MGA: variants seen among roughly 807,000 people sequenced by gnomAD.
MGA encodes MAX gene-associated protein.
MGA carries 40 observed loss-of-function variants against 261.1 expected under a neutral mutation model. The observed-to-expected ratio is 0.15, with a 90% CI of 0.12 to 0.20. The LOEUF (loss-of-function observed/expected upper bound fraction) is 0.20, where lower values mean the gene tolerates loss of function less well. Among genes scored for constraint, MGA ranks in the 10% least tolerant of loss-of-function variants. The pLI, the probability that MGA is intolerant of heterozygous loss-of-function variation, is 1.00. For missense variants in MGA, 3,397 were observed against 3,630.5 expected (o/e 0.94, Z 1.65); for synonymous variants, 1,302 against 1,290.6 (o/e 1.01, Z -0.19).
intron 1 of MGA, among the ~76,000 whole-genome samples, chr15:41,637,934 G>A (rs2056741693): frequency 6.6e-6 from 1 of 151,606 alleles, no homozygotes; most frequent in Non-Finnish European, 1.5e-5. Context: ...TAGTAGAGAC[G>A]GGGTTTCGTT....
chr15:41,691,697 C>T (rs748310027), intron 2 of MGA: 11 of 457,880 alleles, frequency 2.4e-5, no homozygotes, highest in South Asian at 1.8e-4. Context: ...AGGTATAGAA[C>T]ATTAGTTTTT....
At chr15:41,700,268 G>A (rs1005541523) in intron 5 of MGA, among the ~76,000 whole-genome samples, 3 of 151,774 alleles carry the variant, frequency 2.0e-5, no homozygotes, top group African/African-American at 4.8e-5. Context: ...GGATGGTCTC[G>A]ATCTCCTGAC....
intron 22 of MGA, 94 bp downstream of exon 22, chr15:41,762,456 GTGTGGTTTT>G: frequency 4.7e-6 from 1 of 212,468 alleles, no homozygotes; most frequent in African/African-American, 4.4e-5. Flanking sequence ...TTTTAGTTTT[GTGTGGTTTT>G]TTTTTTTTTT....
chr15:41,767,648 G>T lies in MGA; in HGVS notation c.*368G>T. 4.2e-6 allele frequency: 1 copy of T among 240,076 alleles called. No homozygotes were observed. The highest frequency in any genetic ancestry group is 8.8e-5 in the East Asian group (1 of 11,310). 14.9% of individuals were successfully genotyped at this position (240,076 alleles called of 1,614,324 possible). ...AAGAGCTGTTTGCAACTTTGGAGTTGCTGTAGACTGAACTGTAGCTTGTAG... is the reference window on the plus strand; with the variant it reads ...AAGAGCTGTTTGCAACTTTGGAGTTTCTGTAGACTGAACTGTAGCTTGTAG... On this transcript the variant is annotated 3_prime_UTR_variant, in exon 24 of 24. Coordinates refer to ENST00000219905, the MANE Select transcript of MGA (RefSeq NM_001164273.2).
intron 13 of MGA, among the ~76,000 whole-genome samples, chr15:41,738,615 T>C (rs1362886941): frequency 1.3e-5 from 2 of 152,148 alleles, no homozygotes; most frequent in South Asian, 2.1e-4. Flanking sequence ...AATACAAGCA[T>C]GGAAATTTTT....
In MGA at chr15:41,748,706, G is replaced by A. The variant is rs764392749; in HGVS notation, c.5282G>A (p.Arg1761Gln). ...AACACAGTGAAACGTGCTGGACCTC[G>A]ATTGTTGTTGATTCCAGTGCAGCAG... Residue 1761 changes from arginine (R) to glutamine (Q), a missense_variant, in exon 16 of 24, where the codon CGA becomes CAA. Around this residue, in one of 9 missense-constraint regions of MGA, gnomAD observed 1,410 missense variants for 1,386.4 expected, o/e 1.02. Coordinates refer to ENST00000219905, the MANE Select transcript of MGA (RefSeq NM_001164273.2). The A allele has an allele frequency of 3.1e-6, 5 of 1,613,884 alleles. No homozygotes were observed. The South Asian group carries it at 3.3e-5, about 11-fold the overall frequency.
At chr15:41,685,350 G>A (rs529870485) in intron 2 of MGA, among the ~76,000 whole-genome samples, 65 of 152,186 alleles carry the variant, frequency 4.3e-4, no homozygotes, top group Non-Finnish European at 7.2e-4. Context: ...GGGCAATACC[G>A]TGCTGTCTTA....
chr15:41,721,993 G>A (rs1050745887), intron 9 of MGA, among the ~76,000 whole-genome samples: 1 of 151,920 alleles, frequency 6.6e-6, no homozygotes, highest in African/African-American at 2.4e-5. Context: ...ATACCACAGT[G>A]AAAATAAATG....
chr15:41,689,487 T>G (rs938064403), intron 2 of MGA, among the ~76,000 whole-genome samples: 6 of 151,934 alleles, frequency 3.9e-5, no homozygotes, highest in African/African-American at 1.2e-4. Flanking sequence ...AAGAAAAGTC[T>G]TTTATATTTA....
intron 1 of MGA, among the ~76,000 whole-genome samples, chr15:41,667,539 C>A (rs1009539103): frequency 2.0e-5 from 3 of 152,168 alleles, no homozygotes; most frequent in Non-Finnish European, 4.4e-5. Context: ...AGCCACTGCT[C>A]CCCCGCCGCT....
At chr15:41,706,382 G>A (rs1280773569) in intron 5 of MGA, among the ~76,000 whole-genome samples, 1 of 150,334 alleles carries the variant, frequency 6.7e-6, no homozygotes, top group Admixed American at 6.6e-5. Flanking sequence ...CAAGTAGTTG[G>A]GCCTACAGGT....
chr15:41,646,408 T>C (rs554150191), intron 1 of MGA, among the ~76,000 whole-genome samples: 75 of 151,806 alleles, frequency 4.9e-4, no homozygotes, highest in Non-Finnish European at 9.0e-4. Context: ...TGCAATGGCA[T>C]GATCTCGGCT....
chr15:41,658,673 A>G (rs2057261108), upstream of MGA, among the ~76,000 whole-genome samples: 1 of 151,564 alleles, frequency 6.6e-6, no homozygotes, highest in South Asian at 2.1e-4. Context: ...TCCCACCGAG[A>G]TCTGTAGTAC....
At chr15:41,718,315 A>G (rs1430137615) in intron 9 of MGA, 3 of 245,302 alleles carry the variant, frequency 1.2e-5, no homozygotes, top group Non-Finnish European at 2.3e-5. Context: ...ATATATATAT[A>G]TATATACATA....
intron 2 of MGA, among the ~76,000 whole-genome samples, chr15:41,686,736 C>A (rs1241569649): frequency 6.6e-6 from 1 of 151,984 alleles, no homozygotes; most frequent in Admixed American, 6.6e-5. Context: ...CATTGAAATA[C>A]CATATGTTTT....
chr15:41,737,260 G>C (rs141947278), intron 13 of MGA, among the ~76,000 whole-genome samples: 1 of 151,942 alleles, frequency 6.6e-6, no homozygotes, highest in East Asian at 1.9e-4. Context: ...AAGTAGCTGG[G>C]ATTACAGGCA....
intron 5 of MGA, among the ~76,000 whole-genome samples, chr15:41,707,202 T>C (rs1025552446): frequency 6.6e-6 from 1 of 152,222 alleles, no homozygotes; most frequent in African/African-American, 2.4e-5. Context: ...TAAAACGATA[T>C]ATTTACTGTA....
chr15:41,636,080 G>A (rs1017964652), intron 1 of MGA, among the ~76,000 whole-genome samples: 1 of 151,998 alleles, frequency 6.6e-6, no homozygotes, highest in Non-Finnish European at 1.5e-5. Context: ...ACTGGAGTAT[G>A]CATTTACTAT....
intron 5 of MGA, 143 bp downstream of exon 5, chr15:41,699,302 AC>A (rs1725114605): frequency 8.3e-6 from 5 of 599,176 alleles, no homozygotes; most frequent in Admixed American, 3.7e-5. Flanking sequence ...TTCTTTCAGC[AC>A]GTCTTTCAGT....
Sources: allele counts gnomAD v4.1 joint callset (sites outside exome capture counted in the v4.1 genomes callset), GRCh38; gene constraint gnomAD v4.1.1; regional missense constraint gnomAD v4.1.1; transcripts MANE v1.5; gene names NCBI Gene and HGNC (gene_info 2026-07-23, HGNC 2026-07-21).